LINGO2: variants seen among roughly 807,000 people sequenced by gnomAD.
The protein encoded by LINGO2 is leucine rich repeat and Ig domain containing 2, also known as leucine-rich repeat and immunoglobulin-like domain-containing nogo receptor-interacting protein 2.
In LINGO2, 14 loss-of-function variants were observed where a neutral mutation model predicts 30.6. The ratio of observed to expected loss-of-function variants is 0.46; its 90% CI spans 0.30 to 0.72. The LOEUF is 0.72. Ranked by LOEUF, LINGO2 falls within the 30% of genes least tolerant of loss-of-function variation. The probability of loss-of-function intolerance (pLI) is 0.07; values close to 1 mark genes in which losing one functional copy is unlikely to be tolerated. For missense variants in LINGO2, 729 were observed against 751.7 expected (o/e 0.97, Z 0.35); for synonymous variants, 317 against 288.5 (o/e 1.10, Z -1.00).
the LINGO2 span, among the ~76,000 whole-genome samples, chr9:28,991,175 C>A: frequency 2.0e-5 from 3 of 151,984 alleles, no homozygotes; most frequent in Non-Finnish European, 4.4e-5. Flanking sequence ...CTTAAAGGAG[C>A]TGATGGAGCT....
At chr9:28,781,601 A>G in the LINGO2 span, among the ~76,000 whole-genome samples, 2 of 152,190 alleles carry the variant, frequency 1.3e-5, no homozygotes, top group South Asian at 2.1e-4. Flanking sequence ...AAGTGGTAAT[A>G]TAAGAGGCAT....
chr9:28,797,341 TATATATATATATATATATAGAG>T, the LINGO2 span, among the ~76,000 whole-genome samples: 14 of 71,098 alleles, frequency 2.0e-4, no homozygotes, highest in African/African-American at 6.5e-4. Flanking sequence ...TATATATATA[TATATATATATATATATATAGAG>T]AGAGAGAGAG....
intron 2 of LINGO2, among the ~76,000 whole-genome samples, chr9:28,461,387 C>T (rs1298525577): frequency 6.6e-6 from 1 of 152,056 alleles, no homozygotes; most frequent in Non-Finnish European, 1.5e-5. Context: ...TGTTTCCTGG[C>T]CATACAGGGT....
chr9:28,460,848 GAAGAA>G (rs766857431), intron 2 of LINGO2, among the ~76,000 whole-genome samples: 2 of 151,932 alleles, frequency 1.3e-5, no homozygotes, highest in Non-Finnish European at 2.9e-5. Flanking sequence ...AGTGGGAGGT[GAAGAA>G]AAGGTAAGTG....
chr9:28,368,828 C>T (rs1438691200), intron 3 of LINGO2, among the ~76,000 whole-genome samples: 1 of 151,918 alleles, frequency 6.6e-6, no homozygotes, highest in African/African-American at 2.4e-5. Context: ...GATCTCCTGA[C>T]CTCGTGATCC....
At chr9:28,064,910 T>G (rs749694856) in intron 4 of LINGO2, among the ~76,000 whole-genome samples, 1 of 151,440 alleles carries the variant, frequency 6.6e-6, no homozygotes, top group Non-Finnish European at 1.5e-5. Flanking sequence ...CCATAGAACA[T>G]CTTGAAAACA....
chr9:28,291,330 ACT>A (rs1329801723), intron 4 of LINGO2, among the ~76,000 whole-genome samples: 2 of 152,038 alleles, frequency 1.3e-5, no homozygotes, highest in Non-Finnish European at 2.9e-5. Context: ...GAGCTGGGCC[ACT>A]CTCATTTGTT....
Position 28,557,809 on chromosome 9 carries a change from T to C in LINGO2, c.-364-81784A>G, listed in dbSNP as rs531788287. The stretch of plus-strand genomic sequence containing the variant: ...GGCACATATACACCATGGAATACTA[T>C]GCAGCCATAAAAAATAATGAGTTCA... On this transcript the variant is annotated intron_variant, in intron 1 of 5. Transcript: ENST00000379992. Among the ~76,000 whole-genome samples the C allele has an allele frequency of 7.4e-3, 1,128 of 151,714 alleles. 31 individuals carry two copies. In the East Asian group the frequency reaches 0.095, roughly 13 times the overall value.
chr9:28,479,152 T>A (rs1825835271), intron 1 of LINGO2, among the ~76,000 whole-genome samples: 1 of 151,974 alleles, frequency 6.6e-6, no homozygotes, highest in Admixed American at 6.6e-5. Context: ...TTAACTATCA[T>A]TACAAAAATG....
At chr9:29,121,612 T>C in the LINGO2 span, among the ~76,000 whole-genome samples, 746 of 151,956 alleles carry the variant, frequency 4.9e-3, 10 homozygotes, top group African/African-American at 0.017. Flanking sequence ...GAAATAGTAA[T>C]AGCAAAGGGA....
intron 1 of LINGO2, among the ~76,000 whole-genome samples, chr9:28,591,707 T>G (rs956460781): frequency 6.6e-6 from 1 of 152,024 alleles, no homozygotes; most frequent in Non-Finnish European, 1.5e-5. Flanking sequence ...TGACAGGGAC[T>G]TGAGAAAGTA....
At chr9:28,259,027 C>T (rs1822476891) in intron 4 of LINGO2, among the ~76,000 whole-genome samples, 1 of 151,728 alleles carries the variant, frequency 6.6e-6, no homozygotes, top group Admixed American at 6.6e-5. Context: ...TTTTAATTCT[C>T]TAATTTAAAA....
chr9:29,180,408 T>A, the LINGO2 span, among the ~76,000 whole-genome samples: 2 of 152,350 alleles, frequency 1.3e-5, no homozygotes, highest in South Asian at 4.1e-4. Context: ...TATATCCTTC[T>A]ACATTTTATT....
At chr9:27,951,890 C>G (rs1015570793) in intron 5 of LINGO2, among the ~76,000 whole-genome samples, 1 of 152,028 alleles carries the variant, frequency 6.6e-6, no homozygotes, top group African/African-American at 2.4e-5. Context: ...CACAGTATGT[C>G]TATATGTAAA....
At chr9:28,055,066 T>C (rs1478295360) in intron 4 of LINGO2, among the ~76,000 whole-genome samples, 1 of 152,138 alleles carries the variant, frequency 6.6e-6, no homozygotes, top group Non-Finnish European at 1.5e-5. Context: ...AGAGGGAAGC[T>C]AGATGGTAAT....
At chr9:28,035,531 GTA>G (rs1823888791) in intron 4 of LINGO2, among the ~76,000 whole-genome samples, 2 of 152,170 alleles carry the variant, frequency 1.3e-5, no homozygotes, top group Non-Finnish European at 2.9e-5. Flanking sequence ...TTTGGTAAAT[GTA>G]ACAATTTGAT....
the LINGO2 span, among the ~76,000 whole-genome samples, chr9:28,889,312 T>G: frequency 1.3e-5 from 2 of 152,102 alleles, no homozygotes; most frequent in South Asian, 4.1e-4. Context: ...GTATTTAAAT[T>G]TGTACTTCCT....
intron 3 of LINGO2, among the ~76,000 whole-genome samples, chr9:28,343,215 G>A (rs925654641): frequency 2.6e-5 from 4 of 152,132 alleles, no homozygotes; most frequent in Non-Finnish European, 5.9e-5. Context: ...ATACAATGAA[G>A]CATCATAATA....
intron 1 of LINGO2, among the ~76,000 whole-genome samples, chr9:28,521,278 A>G (rs1276039462): frequency 6.6e-6 from 1 of 152,204 alleles, no homozygotes; most frequent in Non-Finnish European, 1.5e-5. Context: ...CTGAAATTCA[A>G]TAGATGATCT....
Sources: allele counts gnomAD v4.1 joint callset (sites outside exome capture counted in the v4.1 genomes callset), GRCh38; gene constraint gnomAD v4.1.1; transcripts MANE v1.5; gene names NCBI Gene and HGNC (gene_info 2026-07-23, HGNC 2026-07-21).